Variants in LONP2 observed in about 807,000 individuals in gnomAD.
The protein encoded by LONP2 is lon peptidase 2, peroxisomal.
Under a neutral mutation model 85.6 loss-of-function variants are expected in LONP2, and 60 were observed. The ratio of observed to expected loss-of-function variants is 0.70; its 90% CI spans 0.57 to 0.87. The LOEUF (loss-of-function observed/expected upper bound fraction) is 0.87, where lower values mean the gene tolerates loss of function less well. LONP2 is among the 40% of genes least tolerant of loss of function. The probability of loss-of-function intolerance (pLI) is 0.00; values close to 1 mark genes in which losing one functional copy is unlikely to be tolerated. For synonymous variants in LONP2, 395 were observed against 389.7 expected (o/e 1.01, Z -0.16); for missense variants, 860 against 1,063.5 (o/e 0.81, Z 2.66).
At chr16:48,252,554 C>T (rs1212950492) in intron 2 of LONP2, among the ~76,000 whole-genome samples, 189 bp downstream of exon 2, 2 of 152,130 alleles carry the variant, frequency 1.3e-5, no homozygotes, top group African/African-American at 2.4e-5. Context: ...ACATATTGGC[C>T]TACCCTTTCT....
At chr16:48,280,445 C>G (rs1972302537) in intron 8 of LONP2, among the ~76,000 whole-genome samples, 1 of 152,144 alleles carries the variant, frequency 6.6e-6, no homozygotes, top group African/African-American at 2.4e-5. Flanking sequence ...TAGGTCTTCA[C>G]CTATATATAC....
At chr16:48,336,512 G>A (rs752120470) in intron 12 of LONP2, 2 of 449,594 alleles carry the variant, frequency 4.4e-6, no homozygotes, top group Non-Finnish European at 8.9e-6. Flanking sequence ...AGCTGAGTCC[G>A]AAAAGAGAGT....
At chr16:48,321,548 G>T (rs1973264884) in intron 11 of LONP2, among the ~76,000 whole-genome samples, 1 of 152,124 alleles carries the variant, frequency 6.6e-6, no homozygotes, top group African/African-American at 2.4e-5. Context: ...GTGCATCCCT[G>T]GGAAATTTTG....
intron 12 of LONP2, chr16:48,334,653 G>A (rs919255803): frequency 2.7e-5 from 16 of 603,256 alleles, no homozygotes; most frequent in East Asian, 1.1e-4. Context: ...AGCATCAGGC[G>A]CAGGGTGGAC....
intron 2 of LONP2, among the ~76,000 whole-genome samples, chr16:48,255,234 C>T (rs1224779147): frequency 1.3e-5 from 2 of 152,128 alleles, no homozygotes; most frequent in African/African-American, 4.8e-5. Flanking sequence ...CTATTAAAGT[C>T]ACTCGGACCC....
At position 48,350,890 on chromosome 16, in the gene LONP2, T is replaced by C. The variant is rs1348293397; in HGVS notation, c.2338-691T>C. On this transcript the variant is annotated intron_variant, in intron 14 of 14. Transcript: ENST00000285737. ...GTTCCTCACCTGATGGACTTGCCCATAGGCTGCTTGAGTGACCTCAGACAT... is the reference window on the plus strand; with the variant it reads ...GTTCCTCACCTGATGGACTTGCCCACAGGCTGCTTGAGTGACCTCAGACAT... Among the ~76,000 whole-genome samples the C allele has an allele frequency of 2.6e-5, 4 of 152,122 alleles. No homozygotes were observed. In the East Asian group the frequency reaches 7.7e-4, roughly 29 times the overall value.
chr16:48,273,855 A>C (rs1003855789), intron 7 of LONP2, among the ~76,000 whole-genome samples: 3 of 152,190 alleles, frequency 2.0e-5, no homozygotes, highest in African/African-American at 7.2e-5. Context: ...TTACTTAGAT[A>C]ATAAAATTAT....
At chr16:48,345,404 AAGG>A (rs957453655) in intron 12 of LONP2, 1 of 152,220 alleles carries the variant, frequency 6.6e-6, no homozygotes, top group African/African-American at 2.4e-5. Context: ...CAACCCTAGA[AAGG>A]AGCCTGAATG....
Position 48,270,035 on chromosome 16 carries a change from A to C in LONP2, c.1002A>C (p.Ala334=). The C allele has an allele frequency of 6.2e-7, 1 of 1,613,880 alleles. No homozygotes were observed. Among genetic ancestry groups the C allele is most frequent in the Non-Finnish European group, 8.5e-7 (1 of 1,179,872 alleles). ...KSTTDRLDIR[A]ARILLDNDHY... ...TGACAGACCGCCTGGACATTAGGGCAGCCCGGATTCTTCTGGATAATGACC... is the reference window on the plus strand; with the variant it reads ...TGACAGACCGCCTGGACATTAGGGCCGCCCGGATTCTTCTGGATAATGACC... The change falls in exon 7 of 15, where the codon GCA becomes GCC. Residue 334 remains alanine (A), a synonymous_variant. Coordinates refer to ENST00000285737, the MANE Select transcript of LONP2 (RefSeq NM_031490.5).
intron 2 of LONP2, among the ~76,000 whole-genome samples, chr16:48,254,615 C>T (rs920295378): frequency 2.0e-5 from 3 of 152,044 alleles, no homozygotes; most frequent in African/African-American, 7.2e-5. Context: ...CAACCGCCAC[C>T]ACGCCCGGCC....
At chr16:48,257,432 C>T (rs909515959) in intron 3 of LONP2, among the ~76,000 whole-genome samples, 2 of 152,094 alleles carry the variant, frequency 1.3e-5, no homozygotes, top group African/African-American at 4.8e-5. Context: ...GAATCTTCAT[C>T]ATGTTTCTTA....
downstream of LONP2, among the ~76,000 whole-genome samples, chr16:48,359,279 G>A (rs1047188860): frequency 1.3e-5 from 2 of 152,148 alleles, no homozygotes; most frequent in African/African-American, 4.8e-5. Flanking sequence ...TATTTTGAAA[G>A]ATATTGGGAG....
At chr16:48,287,806 T>C (rs939378888) in intron 8 of LONP2, among the ~76,000 whole-genome samples, 1 of 152,228 alleles carries the variant, frequency 6.6e-6, no homozygotes, top group Non-Finnish European at 1.5e-5. Context: ...TGCAAGTTAG[T>C]ATGTAGCATT....
intron 11 of LONP2, among the ~76,000 whole-genome samples, chr16:48,328,277 G>C (rs1043182489): frequency 6.6e-6 from 1 of 151,876 alleles, no homozygotes; most frequent in Non-Finnish European, 1.5e-5. Context: ...CGGGCGCGGT[G>C]GTTCACACCT....
At chr16:48,345,635 A>G (rs995664402) in intron 12 of LONP2, 1 of 152,246 alleles carries the variant, frequency 6.6e-6, no homozygotes, top group African/African-American at 2.4e-5. Context: ...GCTCGAGGAA[A>G]GTGTGACCTG....
intron 12 of LONP2, among the ~76,000 whole-genome samples, chr16:48,335,378 A>G (rs1017516802): frequency 3.3e-5 from 5 of 152,124 alleles, no homozygotes; most frequent in Non-Finnish European, 4.4e-5. Context: ...CCCTATTTTC[A>G]TCTTTCTCTC....
chr16:48,312,359 AC>A lies in LONP2; in HGVS notation c.1795+9056del, dbSNP rs1173519969. On this transcript the variant is annotated intron_variant, in intron 11 of 14. Coordinates refer to ENST00000285737, the MANE Select transcript of LONP2 (RefSeq NM_031490.5). ...TGTGTTTCTCTGGGGGTGTCATAGC[AC>A]CTTTTTTTTTTCATATTTCCAATAT... is the stretch of plus-strand genomic sequence containing the variant. 1.1e-4 allele frequency among the ~76,000 whole-genome samples: 16 copies of A among 146,604 alleles called. No homozygotes were observed. The East Asian group carries it at 3.2e-3, about 29-fold the overall frequency.
chr16:48,246,921 A>G (rs1441813353), intron 1 of LONP2, among the ~76,000 whole-genome samples: 6 of 152,114 alleles, frequency 3.9e-5, no homozygotes, highest in Non-Finnish European at 5.9e-5. Context: ...ACAATCCTCA[A>G]TTCTCCTGCT....
chr16:48,251,496 G>C (rs1971647416), intron 1 of LONP2, among the ~76,000 whole-genome samples: 1 of 152,200 alleles, frequency 6.6e-6, no homozygotes, highest in Non-Finnish European at 1.5e-5. Context: ...ACTAGGTTGA[G>C]ACCTTTTGAG....
Sources: allele counts gnomAD v4.1 joint callset (sites outside exome capture counted in the v4.1 genomes callset), GRCh38; gene constraint gnomAD v4.1.1; transcripts MANE v1.5; gene names NCBI Gene and HGNC (gene_info 2026-07-23, HGNC 2026-07-21).